The following SLC25A53 variants were observed in gnomAD, a reference collection of about 807,000 sequenced individuals.
The protein encoded by SLC25A53 is mitochondrial carrier triple repeat protein 6.
A neutral mutation model predicts 15.0 loss-of-function variants in SLC25A53; 5 were observed. The observed-to-expected ratio is 0.33, with a 90% CI of 0.17 to 0.70. The LOEUF is 0.70. SLC25A53 is among the 30% of genes least tolerant of loss of function. The pLI is 0.67. For synonymous variants in SLC25A53, 95 were observed against 100.0 expected, an observed-to-expected ratio of 0.95 and a Z score of 0.30; for missense variants, 216 against 241.6, an observed-to-expected ratio of 0.89 and a Z score of 0.70.
At chrX:104,134,400 A>G (rs1024427717) in intron 1 of SLC25A53, among the ~76,000 whole-genome samples, 8 of 111,271 alleles carry the variant, frequency 7.2e-5, no homozygotes, top group African/African-American at 2.3e-4. Flanking sequence ...TTGGATGGCT[A>G]ATAACTCACA....
At chrX:104,151,747 CCT>C (rs1222481721) in intron 1 of SLC25A53, among the ~76,000 whole-genome samples, 1 of 112,000 alleles carries the variant, frequency 8.9e-6, no homozygotes, top group Non-Finnish European at 1.9e-5. Flanking sequence ...TCTCAGGGTC[CCT>C]GAGATACTGA....
chrX:104,117,015 C>A (rs1556361525), intron 1 of SLC25A53, among the ~76,000 whole-genome samples: 2 of 101,496 alleles, frequency 2.0e-5, no homozygotes, highest in African/African-American at 7.4e-5. Context: ...CATATCCCCA[C>A]AATCCCATTC....
chrX:104,151,148 C>T (rs2075483672), intron 1 of SLC25A53, among the ~76,000 whole-genome samples: 1 of 111,445 alleles, frequency 9.0e-6, no homozygotes, highest in Admixed American at 9.6e-5. Flanking sequence ...ATCTGGTCCC[C>T]CAGGTTTCCT....
At chrX:104,118,303 G>A (rs782261006) in intron 1 of SLC25A53, among the ~76,000 whole-genome samples, 9 of 111,373 alleles carry the variant, frequency 8.1e-5, no homozygotes, top group Admixed American at 7.6e-4. Flanking sequence ...ACCTCCTTTT[G>A]CAATATCTCC....
At chrX:104,127,235 G>A (rs1172597678) in intron 1 of SLC25A53, among the ~76,000 whole-genome samples, 3 of 112,263 alleles carry the variant, frequency 2.7e-5, no homozygotes, top group African/African-American at 9.7e-5. Context: ...GGTGAAGAAC[G>A]TCAATCCCAA....
intron 1 of SLC25A53, among the ~76,000 whole-genome samples, chrX:104,126,420 A>C (rs1205382065): frequency 9.0e-6 from 1 of 110,835 alleles, no homozygotes; most frequent in African/African-American, 3.3e-5. Flanking sequence ...TTGGGAGGCT[A>C]AGGTGAGAGC....
intron 1 of SLC25A53, among the ~76,000 whole-genome samples, chrX:104,148,553 A>T (rs2147880791): frequency 9.0e-6 from 1 of 110,784 alleles, no homozygotes; most frequent in Non-Finnish European, 1.9e-5. Flanking sequence ...TGAAGCTGGA[A>T]ATCATCATTC....
intron 1 of SLC25A53, among the ~76,000 whole-genome samples, chrX:104,146,154 T>C (rs568681927): frequency 9.8e-5 from 11 of 112,141 alleles, no homozygotes; most frequent in Admixed American, 3.8e-4. Context: ...TGGTTCACCA[T>C]ATGCAAATCA....
intron 1 of SLC25A53, among the ~76,000 whole-genome samples, chrX:104,144,576 C>G (rs1556368214): frequency 9.0e-6 from 1 of 111,661 alleles, no homozygotes; most frequent in East Asian, 2.8e-4. Flanking sequence ...AGAGCTGTTC[C>G]TATTCGGCCA....
chrX:104,109,437 G>C (rs782408198), intron 1 of SLC25A53, among the ~76,000 whole-genome samples: 15 of 112,342 alleles, frequency 1.3e-4, no homozygotes, highest in African/African-American at 4.5e-4. Flanking sequence ...ATGAGACAAA[G>C]TATGGAAAGT....
chrX:104,106,469 G>A (rs782289904), intron 1 of SLC25A53, among the ~76,000 whole-genome samples: 9 of 111,104 alleles, frequency 8.1e-5, no homozygotes, highest in Non-Finnish European at 1.7e-4. Flanking sequence ...AGGCGGAGGG[G>A]CATGATGGCC....
In SLC25A53 at chrX:104,127,234, C is replaced by T. The variant is rs12392100; in HGVS notation, c.-31-21946G>A. ...CAAAAGGATTACATTTGGTGAAGAA[C>T]GTCAATCCCAAAAGACTACATTGTA... On this transcript the variant is annotated intron_variant, in intron 1 of 1. Transcript: ENST00000594199. Among the ~76,000 whole-genome samples, 801 of 112,223 alleles carry T rather than the reference C, an allele frequency of 7.1e-3. 9 individuals carry two copies. Among genetic ancestry groups the T allele is most frequent in the African/African-American group, 0.025 (771 of 30,874 alleles).
chrX:104,125,901 C>G (rs920042704), intron 1 of SLC25A53, among the ~76,000 whole-genome samples: 1 of 111,901 alleles, frequency 8.9e-6, no homozygotes, highest in Non-Finnish European at 1.9e-5. Flanking sequence ...TGGAGATACA[C>G]GCAGTGCTCA....
intron 1 of SLC25A53, among the ~76,000 whole-genome samples, chrX:104,128,995 T>G (rs1265655792): frequency 2.7e-5 from 3 of 111,847 alleles, no homozygotes; most frequent in African/African-American, 9.7e-5. Context: ...GACACCTTCT[T>G]TAATATATAT....
At chrX:104,121,918 T>C (rs1255939511) in intron 1 of SLC25A53, among the ~76,000 whole-genome samples, 1 of 71,213 alleles carries the variant, frequency 1.4e-5, no homozygotes, top group African/African-American at 5.2e-5. Context: ...TATATATATA[T>C]ATATATATAT....
rs2075302572 is a variant in SLC25A53, at chrX:104,105,172, T to C, written c.86A>G (p.Gln29Arg). Reference protein sequence around the residue: ...EAPGKKSWHSQAYALGAVSNF... With the variant: ...EAPGKKSWHSRAYALGAVSNF... ...GGAAACGGCCCCAAGGGCATAGGCC[T>C]GGGAATGCCAGCTTTTCTTTCCTGG... is the stretch of plus-strand genomic sequence containing the variant. Residue 29 changes from glutamine (Q) to arginine (R), a missense_variant, in exon 2 of 2, where the codon CAG (glutamine) becomes CGG (arginine). Gln to Arg is a conservative substitution (Grantham distance 43, BLOSUM62 1). Transcript: ENST00000594199. The C allele has an allele frequency of 3.3e-6, 4 of 1,210,844 alleles. No individual in the cohort carries two copies. Among genetic ancestry groups the C allele is most frequent in the Non-Finnish European group, 4.5e-6 (4 of 895,356 alleles).
intron 1 of SLC25A53, among the ~76,000 whole-genome samples, chrX:104,108,583 C>G (rs1190336772): frequency 4.5e-5 from 5 of 111,206 alleles, no homozygotes; most frequent in African/African-American, 9.8e-5. Context: ...AGCCTGGCCC[C>G]TTCACATGAA....
intron 1 of SLC25A53, among the ~76,000 whole-genome samples, chrX:104,116,294 C>G (rs1488576753): frequency 1.8e-5 from 2 of 111,186 alleles, no homozygotes; most frequent in Non-Finnish European, 3.8e-5. Flanking sequence ...TAGTCCCTAT[C>G]TTCACGAAGA....
At chrX:104,120,319 C>T (rs965335004) in intron 1 of SLC25A53, among the ~76,000 whole-genome samples, 8 of 111,921 alleles carry the variant, frequency 7.1e-5, no homozygotes, top group African/African-American at 2.3e-4. Context: ...CCAATTCCCA[C>T]TTCCACCATC....
Sources: allele counts gnomAD v4.1 joint callset (sites outside exome capture counted in the v4.1 genomes callset), GRCh38; gene constraint gnomAD v4.1.1; transcripts MANE v1.5; gene names NCBI Gene and HGNC (gene_info 2026-07-23, HGNC 2026-07-21).